Variants in ERC1 observed in about 807,000 individuals in gnomAD.
ERC1 encodes RAB6 interacting protein 2.
ERC1 carries 56 observed loss-of-function variants against 132.0 expected under a neutral mutation model. That is an observed-to-expected ratio of 0.42 (90% confidence interval 0.34 to 0.53). The LOEUF (loss-of-function observed/expected upper bound fraction) is 0.53. Ranked by LOEUF, ERC1 falls within the 20% of genes least tolerant of loss-of-function variation. The probability of loss-of-function intolerance (pLI) is 0.03; values close to 1 mark genes in which losing one functional copy is unlikely to be tolerated. For synonymous variants in ERC1, 478 were observed against 476.1 expected (o/e 1.00, Z -0.05); for missense variants, 1,202 against 1,349.9 (o/e 0.89, Z 1.72).
chr12:1,282,780 A>G (rs954400178), intron 14 of ERC1, among the ~76,000 whole-genome samples: 1 of 152,236 alleles, frequency 6.6e-6, no homozygotes, highest in Admixed American at 6.5e-5. Flanking sequence ...GTAGGTTTTA[A>G]TCTGGAACTT....
At chr12:1,135,766 T>G (rs1470978399) in intron 7 of ERC1, among the ~76,000 whole-genome samples, 3 of 152,156 alleles carry the variant, frequency 2.0e-5, no homozygotes, top group Admixed American at 2.0e-4. Context: ...AGAGCCCTCA[T>G]AGAGAGCAAG....
intron 15 of ERC1, among the ~76,000 whole-genome samples, chr12:1,350,239 G>T (rs545482990): frequency 6.6e-6 from 1 of 152,324 alleles, no homozygotes; most frequent in East Asian, 1.9e-4. Flanking sequence ...TTAGTATCTA[G>T]TGTTAAAAGA....
At chr12:1,053,019 T>C (rs1279302491) in intron 2 of ERC1, among the ~76,000 whole-genome samples, 1 of 152,144 alleles carries the variant, frequency 6.6e-6, no homozygotes, top group Non-Finnish European at 1.5e-5. Flanking sequence ...TGTTTTTCTG[T>C]TTGAATAGTT....
At chr12:1,277,584 A>T (rs779170380) in intron 14 of ERC1, among the ~76,000 whole-genome samples, 2 of 152,216 alleles carry the variant, frequency 1.3e-5, no homozygotes, top group South Asian at 4.1e-4. Flanking sequence ...TCTGTGAGAC[A>T]TTCTTGAAAT....
chr12:1,290,022 T>C lies in ERC1; in HGVS notation c.2780+10T>C. The C allele has an allele frequency of 6.2e-7, 1 of 1,611,746 alleles. No individual in the cohort carries two copies. Among genetic ancestry groups the C allele is most frequent in the East Asian group, 2.2e-5 (1 of 44,874 alleles). On this transcript the variant is annotated intron_variant, in intron 15 of 18. Coordinates refer to ENST00000360905, the MANE Select transcript of ERC1 (RefSeq NM_178040.4). ...AAGTTCTGGAGATGAAGTAAGTGTTTGTAGTCTTATTCTTCAAGCATATGC... is the reference window on the plus strand; with the variant it reads ...AAGTTCTGGAGATGAAGTAAGTGTTCGTAGTCTTATTCTTCAAGCATATGC...
At chr12:1,386,704 A>G (rs1566739787) in intron 16 of ERC1, 3 of 151,242 alleles carry the variant, frequency 2.0e-5, no homozygotes, top group Non-Finnish European at 4.4e-5. Flanking sequence ...CATGTCAGTG[A>G]AATTTTACAC....
intron 13 of ERC1, among the ~76,000 whole-genome samples, chr12:1,259,997 A>C (rs2154321933): frequency 6.6e-6 from 1 of 152,252 alleles, no homozygotes; most frequent in East Asian, 1.9e-4. Context: ...GTTAGTCTCT[A>C]GGTTGTGTCA....
At chr12:1,129,533 G>A (rs1015332866) in intron 7 of ERC1, among the ~76,000 whole-genome samples, 1 of 152,044 alleles carries the variant, frequency 6.6e-6, no homozygotes, top group Non-Finnish European at 1.5e-5. Context: ...CTCTAAAAAA[G>A]AAAACAACCT....
intron 9 of ERC1, 50 bp from the exon 10 acceptor site, chr12:1,181,875 T>C (rs1310160820): frequency 1.9e-6 from 3 of 1,568,256 alleles, no homozygotes; most frequent in Admixed American, 3.7e-5. Context: ...ATTACAGTCA[T>C]ATAAGTGCAA....
intron 12 of ERC1, among the ~76,000 whole-genome samples, chr12:1,194,654 A>G (rs1347383238): frequency 6.6e-6 from 1 of 152,078 alleles, no homozygotes; most frequent in East Asian, 1.9e-4. Context: ...TACCATGACT[A>G]ATGGATTCAC....
At chr12:1,267,260 G>A (rs1035856402) in intron 14 of ERC1, among the ~76,000 whole-genome samples, 3 of 152,192 alleles carry the variant, frequency 2.0e-5, no homozygotes. Flanking sequence ...CCCTTTCCAC[G>A]TGGGGATTCT....
chr12:1,169,299 A>C (rs1031107024), intron 8 of ERC1, among the ~76,000 whole-genome samples: 7 of 152,146 alleles, frequency 4.6e-5, no homozygotes, highest in African/African-American at 7.2e-5. Flanking sequence ...CTTTCCCTAG[A>C]GATTGTCTTA....
chr12:1,455,116 C>T (rs997906763), intron 18 of ERC1, among the ~76,000 whole-genome samples: 1 of 152,178 alleles, frequency 6.6e-6, no homozygotes, highest in African/African-American at 2.4e-5. Flanking sequence ...AATAGAAATA[C>T]TTATTTTTGG....
At chr12:1,092,196 A>G (rs12424400) in intron 3 of ERC1, among the ~76,000 whole-genome samples, 2 of 152,006 alleles carry the variant, frequency 1.3e-5, no homozygotes, top group Non-Finnish European at 1.5e-5. Flanking sequence ...ACGAGGTTTC[A>G]CCATGTTGGT....
Position 1,444,542 on chromosome 12 carries a change from AT to A in ERC1, c.3025-16del. 1.3e-6 allele frequency: 2 copies of A among 1,530,434 alleles called. No homozygotes were observed. Among genetic ancestry groups the A allele is most frequent in the East Asian group, 2.3e-5 (1 of 44,316 alleles). The allele number at this position is 1,530,434 out of a possible 1,614,324, so 94.8% of individuals were successfully genotyped here. A position where few individuals can be genotyped will look rare whatever the true frequency, so the allele number is the denominator to read the frequency against. ...GACTTTCCTCATTTTATTTTATTTTATTTTATTTTTTTGCCTTAGATCATCC... is the reference window on the plus strand; with the variant it reads ...GACTTTCCTCATTTTATTTTATTTTATTTATTTTTTTGCCTTAGATCATCC... On this transcript the variant is annotated intron_variant, in intron 17 of 18. Transcript: ENST00000360905.
At chr12:1,052,415 T>A (rs1382525041) in intron 2 of ERC1, among the ~76,000 whole-genome samples, 1 of 152,222 alleles carries the variant, frequency 6.6e-6, no homozygotes, top group East Asian at 1.9e-4. Flanking sequence ...TAATTATGAA[T>A]AAATATTGCC....
At chr12:1,030,985 A>G (rs1449066366) in intron 2 of ERC1, among the ~76,000 whole-genome samples, 1 of 152,172 alleles carries the variant, frequency 6.6e-6, no homozygotes, top group Non-Finnish European at 1.5e-5. Context: ...CTCAGAACAT[A>G]TCTCTGTCAT....
chr12:1,488,798 C>T (rs1445746554), intron 18 of ERC1, among the ~76,000 whole-genome samples: 3 of 152,154 alleles, frequency 2.0e-5, no homozygotes, highest in Non-Finnish European at 4.4e-5. Context: ...AATGATTCTC[C>T]AGTTCTCCCT....
intron 17 of ERC1, among the ~76,000 whole-genome samples, chr12:1,427,714 A>C (rs1378505177): frequency 6.6e-6 from 1 of 152,180 alleles, no homozygotes; most frequent in African/African-American, 2.4e-5. Context: ...TCTAAGCATC[A>C]GGTCCCTCAT....
Sources: gnomAD v4.1 joint callset for allele counts (sites outside exome capture counted in the v4.1 genomes callset) on GRCh38, gnomAD v4.1.1 for gene constraint, MANE v1.5 for transcripts, NCBI Gene and HGNC (gene_info 2026-07-23, HGNC 2026-07-21) for gene names.